Variants in DNAH2 observed in about 807,000 individuals in gnomAD.
The protein encoded by DNAH2 is dynein axonemal heavy chain 2, also known as axonemal beta dynein heavy chain 2.
In DNAH2, 323 loss-of-function variants were observed where a neutral mutation model predicts 523.5. The observed-to-expected ratio is 0.62, with a 90% CI of 0.56 to 0.68. The LOEUF (loss-of-function observed/expected upper bound fraction) is 0.68. Ranked by LOEUF, DNAH2 falls within the 30% of genes least tolerant of loss-of-function variation. DNAH2 has a pLI of 0.00. For synonymous variants in DNAH2, 2,093 were observed against 2,177.4 expected (o/e 0.96, Z 1.08); for missense variants, 4,907 against 5,701.5 (o/e 0.86, Z 4.49).
chr17:7,722,569 C>A (rs1381634180), intron 2 of DNAH2, among the ~76,000 whole-genome samples: 1 of 152,094 alleles, frequency 6.6e-6, no homozygotes, highest in Non-Finnish European at 1.5e-5. Flanking sequence ...CCCCTTCCCC[C>A]GCAGATCCCA....
chr17:7,777,503 C>T lies in DNAH2; in HGVS notation c.5116C>T (p.Arg1706Trp), dbSNP rs778506711. Residue 1706 changes from arginine (R) to tryptophan (W), a missense_variant, in exon 33 of 86, where the codon CGG becomes TGG. Transcript: ENST00000572933. ...AIRGNLTKIM[R>W]LKIVALVTIE... is the part of the protein sequence containing the mutation. ...CAGGGGGAACTTGACCAAGATCATG[C>T]GGCTTAAAATTGTGGCTCTGGTGAC... 1.7e-5 allele frequency: 28 copies of T among 1,614,022 alleles called. No homozygotes were observed. The highest frequency in any genetic ancestry group is 4.5e-5 in the East Asian group (2 of 44,894).
At chr17:7,822,380 C>T (rs914022489) in intron 73 of DNAH2, among the ~76,000 whole-genome samples, 5 of 152,214 alleles carry the variant, frequency 3.3e-5, no homozygotes, top group Admixed American at 1.3e-4. Flanking sequence ...TCATTGCCCT[C>T]CCCAAACCCC....
At chr17:7,749,496 A>T (rs898161428) in intron 12 of DNAH2, among the ~76,000 whole-genome samples, 1 of 151,972 alleles carries the variant, frequency 6.6e-6, no homozygotes, top group African/African-American at 2.4e-5. Context: ...ACATGATAAT[A>T]CGTTTATGCT....
chr17:7,719,580 G>C (rs2074533295), intron 1 of DNAH2, 141 bp from the exon 2 acceptor site: 2 of 1,072,022 alleles, frequency 1.9e-6, no homozygotes, highest in Admixed American at 4.1e-5. Flanking sequence ...GTGGTTAATG[G>C]AGCAGGGTGT....
chr17:7,829,062 G>A (rs1291940466), intron 77 of DNAH2, among the ~76,000 whole-genome samples: 1 of 150,808 alleles, frequency 6.6e-6, no homozygotes, highest in Non-Finnish European at 1.5e-5. Context: ...GTCTTGCTCT[G>A]TCACCCAGGC....
chr17:7,808,578 A>G (rs2077430378), intron 63 of DNAH2, among the ~76,000 whole-genome samples: 1 of 152,168 alleles, frequency 6.6e-6, no homozygotes, highest in Admixed American at 6.5e-5. Context: ...TCCAATAAGA[A>G]GTTTCCCCTC....
intron 4 of DNAH2, among the ~76,000 whole-genome samples, chr17:7,729,399 AAGAG>A (rs955529566): frequency 1.1e-4 from 17 of 150,966 alleles, no homozygotes; most frequent in Non-Finnish European, 2.4e-4. Context: ...AAAAAAAAAA[AAGAG>A]AGAGAGAGAG....
intron 19 of DNAH2, 42 bp downstream of exon 19, chr17:7,764,073 C>T: frequency 6.2e-7 from 1 of 1,614,196 alleles, no homozygotes; most frequent in Non-Finnish European, 8.5e-7. Flanking sequence ...CAGGGGCAGG[C>T]ACTGGGCCTT....
At position 7,788,279 on chromosome 17, in the gene DNAH2, G is replaced by A. The variant is rs752190280; in HGVS notation, c.6900+35G>A. Reference sequence around the variant, plus strand: ...GGACACAGACCACGGGCAGGGGCAGGGGGTGCTCACAGCCTCACCAGAACA... The same window carrying A: ...GGACACAGACCACGGGCAGGGGCAGAGGGTGCTCACAGCCTCACCAGAACA... On this transcript the variant is annotated intron_variant, in intron 44 of 85. Transcript: ENST00000572933. 6 of 1,531,058 alleles carry A rather than the reference G, an allele frequency of 3.9e-6. No individual in the cohort carries two copies. In the South Asian group the frequency reaches 4.8e-5, roughly 12 times the overall value. 94.8% of individuals were successfully genotyped at this position (1,531,058 alleles called of 1,614,324 possible).
intron 4 of DNAH2, among the ~76,000 whole-genome samples, chr17:7,729,491 C>A (rs1195273453): frequency 6.6e-6 from 1 of 152,052 alleles, no homozygotes; most frequent in Non-Finnish European, 1.5e-5. Flanking sequence ...AGTGCAATGG[C>A]GCAATCTCGG....
chr17:7,736,480 A>G (rs1365838669), intron 7 of DNAH2, among the ~76,000 whole-genome samples: 1 of 152,348 alleles, frequency 6.6e-6, no homozygotes, highest in South Asian at 2.1e-4. Flanking sequence ...TCAACTGGAG[A>G]AAACAGACAC....
intron 18 of DNAH2, among the ~76,000 whole-genome samples, chr17:7,763,538 C>T (rs1318813987): frequency 6.6e-6 from 1 of 152,240 alleles, no homozygotes; most frequent in Non-Finnish European, 1.5e-5. Context: ...CTCGGCCTCC[C>T]AAAGTGCTGG....
In DNAH2 at chr17:7,777,542, G is replaced by A; in HGVS notation, c.5155G>A (p.Ala1719Thr). The A allele has an allele frequency of 6.2e-7, 1 of 1,614,178 alleles. No homozygotes were observed. Among genetic ancestry groups the A allele is most frequent in the Non-Finnish European group, 8.5e-7 (1 of 1,180,034 alleles). Residue 1719 changes from alanine (A) to threonine (T), a missense_variant, in exon 33 of 86, where the codon GCC (alanine) becomes ACC (threonine). Around this residue, in one of 3 missense-constraint regions of DNAH2, gnomAD observed 2,806 missense variants for 3,190.8 expected, o/e 0.88. Transcript: ENST00000572933. ...GGCTCTGGTGACGATAGAAATTCAT[G>A]CCCGGGATGTGTTGGAGAAGCTTTA... The part of the protein sequence containing the change: ...IVALVTIEIH[A>T]RDVLEKLYKS...
chr17:7,775,363 G>A, intron 30 of DNAH2, 21 bp downstream of exon 30: 1 of 1,596,762 alleles, frequency 6.3e-7, no homozygotes, highest in Non-Finnish European at 8.6e-7. Flanking sequence ...GTGAGGGTCT[G>A]AGGACCTAGC....
In DNAH2 at chr17:7,833,148, G is replaced by A; in HGVS notation, c.13056G>A (p.Glu4352=). Residue 4352 remains glutamate (E), a synonymous_variant, in exon 85 of 86, where the codon GAG becomes GAA. Coordinates refer to ENST00000572933, the MANE Select transcript of DNAH2 (RefSeq NM_020877.5). ...DRKNSCLVEA[E]PMQLVCLMPT... is the part of the protein sequence containing the mutation. ...AGAACTCCTGCTTGGTGGAGGCAGA[G>A]CCCATGCAGCTTGTCTGCCTCATGC... 6.2e-7 allele frequency: 1 copy of A among 1,611,204 alleles called. No individual in the cohort carries two copies. The highest frequency in any genetic ancestry group is 1.1e-5 in the South Asian group (1 of 91,082).
rs941972125 is a variant in DNAH2, at chr17:7,793,701, G to C, written c.7569+496G>C. ...GCTGGTTTTGAACTCCTGGGCTCAA[G>C]AGATCCTCCCATCTTGGCCTCCCAA... On this transcript the variant is annotated intron_variant, in intron 48 of 85. Coordinates refer to ENST00000572933, the MANE Select transcript of DNAH2 (RefSeq NM_020877.5). 2.0e-5 allele frequency among the ~76,000 whole-genome samples: 3 copies of C among 151,994 alleles called. No individual in the cohort carries two copies. In the East Asian group the frequency reaches 5.8e-4, roughly 29 times the overall value.
chr17:7,794,126 C>T, intron 48 of DNAH2, 128 bp from the exon 49 acceptor site: 1 of 564,010 alleles, frequency 1.8e-6, no homozygotes. Flanking sequence ...TCGCTGCATC[C>T]CGGTTCCTCT....
chr17:7,751,899 T>A (rs1270481542), intron 12 of DNAH2, among the ~76,000 whole-genome samples: 3 of 148,322 alleles, frequency 2.0e-5, no homozygotes, highest in Non-Finnish European at 4.4e-5. Flanking sequence ...TGATTTTGAG[T>A]CTTTCCAAGA....
At chr17:7,721,010 T>TC (rs932225265) in intron 2 of DNAH2, among the ~76,000 whole-genome samples, 3 of 139,668 alleles carry the variant, frequency 2.1e-5, no homozygotes, top group South Asian at 2.2e-4. Context: ...CTTTCTTTTT[T>TC]TTTTTTTTTT....
Sources: allele counts gnomAD v4.1 joint callset (sites outside exome capture counted in the v4.1 genomes callset), GRCh38; gene constraint gnomAD v4.1.1; regional missense constraint gnomAD v4.1.1; transcripts MANE v1.5; gene names NCBI Gene and HGNC (gene_info 2026-07-23, HGNC 2026-07-21).